Variants in RHCE observed in about 807,000 individuals in gnomAD.
The protein encoded by RHCE is Rh blood group CcEe antigens, also known as blood group Rh(CE) polypeptide.
In RHCE, 22 loss-of-function variants were observed where a neutral mutation model predicts 43.8. The observed-to-expected ratio is 0.50, with a 90% CI of 0.36 to 0.72. The LOEUF is 0.72. RHCE is among the 30% of genes least tolerant of loss of function. RHCE has a pLI of 0.00. For synonymous variants in RHCE, 156 were observed against 210.7 expected (o/e 0.74, Z 2.25); for missense variants, 385 against 525.4 (o/e 0.73, Z 2.61).
chr1:25,400,345 C>T (rs582717), intron 3 of RHCE, among the ~76,000 whole-genome samples: 76,833 of 151,764 alleles, frequency 0.51, 19,798 homozygotes, highest in Non-Finnish European at 0.54. Flanking sequence ...TCCCAGCCCT[C>T]ATCCGACTTG....
intron 2 of RHCE, among the ~76,000 whole-genome samples, chr1:25,427,971 T>C (rs754589158): frequency 2.6e-5 from 4 of 152,178 alleles, no homozygotes; most frequent in Non-Finnish European, 4.4e-5. Flanking sequence ...GACCTTCAGA[T>C]TGTTTGTCAG....
At chr1:25,381,655 A>C (rs986827481) in intron 7 of RHCE, among the ~76,000 whole-genome samples, 1 of 151,844 alleles carries the variant, frequency 6.6e-6, no homozygotes, top group Non-Finnish European at 1.5e-5. Flanking sequence ...ACAGCGTTTC[A>C]CCATGTTAGC....
At chr1:25,411,503 A>G in intron 1 of RHCE, 1 of 1,523,914 alleles carries the variant, frequency 6.6e-7, no homozygotes, top group Non-Finnish European at 8.8e-7. Flanking sequence ...AAGGGAGGAC[A>G]CTGACATTTC....
chr1:25,385,831 C>G lies in RHCE; in HGVS notation c.953G>C (p.Arg318Pro), dbSNP rs1444979924. The stretch of plus-strand genomic sequence containing the variant: ...GGAGATGTGGTGAATCCCCAGCACT[C>G]GGTTACAACACACCTGTGGACAAGT... ...GAKCLPVCCNRVLGIHHISVM... is the reference protein window; with the variant it reads ...GAKCLPVCCNPVLGIHHISVM... Residue 318 changes from arginine to proline, a missense_variant, in exon 7 of 10, where the codon CGA becomes CCA. Transcript: ENST00000294413. 6.2e-7 allele frequency: 1 copy of G among 1,614,020 alleles called. No individual in the cohort carries two copies. The highest frequency in any genetic ancestry group is 1.7e-5 in the Admixed American group (1 of 59,996).
rs1299760357 is a variant in RHCE at position 25,408,769 on chromosome 1, C to A, written c.249G>T (p.Met83Ile). The change falls in exon 2 of 10, where the codon ATG (methionine) becomes ATT (isoleucine). Residue 83 changes from methionine to isoleucine, a missense_variant. By Grantham distance (10) the Met-to-Ile change is conservative. Around this residue, in one of 6 missense-constraint regions of RHCE, gnomAD observed 110 missense variants for 192.1 expected, o/e 0.57. Coordinates refer to ENST00000294413, the MANE Select transcript of RHCE (RefSeq NM_020485.8). ...SWSSVAFNLF[M>I]LALGVQWAIL... ...TTGCCCACTGCACACCAAGCGCCAG[C>A]ATGAAGAGGTTGAAGGCCACACTGC... 3.1e-6 allele frequency: 4 copies of A among 1,282,512 alleles called. 1 individual carries two copies. The African/African-American group carries it at 5.5e-5, about 18-fold the overall frequency. The allele number at this position is 1,282,512 out of a possible 1,614,324, so 79.4% of individuals were successfully genotyped here.
At chr1:25,392,802 C>CTCAAGAGATCCTTCCCTCCCA (rs1298090972) in intron 3 of RHCE, among the ~76,000 whole-genome samples, 25 of 151,086 alleles carry the variant, frequency 1.7e-4, no homozygotes, top group Non-Finnish European at 3.0e-4. Flanking sequence ...AACTCCTGGG[C>CTCAAGAGATCCTTCCCTCCCA]TCAAGAGATC....
intron 2 of RHCE, among the ~76,000 whole-genome samples, chr1:25,404,659 C>T (rs953844970): frequency 1.2e-4 from 18 of 150,716 alleles, no homozygotes; most frequent in African/African-American, 4.4e-4. Context: ...GGAGCGTGCT[C>T]TCAGGTCTAG....
rs374070081 is a variant in RHCE at position 25,419,006 on chromosome 1, A to G, written c.148+1633T>C. The stretch of plus-strand genomic sequence containing the variant: ...CCACTGTAAAATGGGGCCATGATGC[A>G]TAATGGTTAAGTGTAAGGAAACTAA... On this transcript the variant is annotated intron_variant, in intron 1 of 9. Coordinates refer to ENST00000294413, the MANE Select transcript of RHCE (RefSeq NM_020485.8). Among the ~76,000 whole-genome samples the G allele has an allele frequency of 2.6e-5, 4 of 152,240 alleles. No individual in the cohort carries two copies. In the East Asian group the frequency reaches 5.8e-4, roughly 22 times the overall value.
chr1:25,385,310 A>C (rs1646118712), intron 7 of RHCE, among the ~76,000 whole-genome samples: 1 of 152,138 alleles, frequency 6.6e-6, no homozygotes, highest in African/African-American at 2.4e-5. Flanking sequence ...CTCCATTTAC[A>C]AGGGGGCGAC....
chr1:25,393,436 C>T (rs1646441695), intron 3 of RHCE, among the ~76,000 whole-genome samples: 1 of 152,092 alleles, frequency 6.6e-6, no homozygotes, highest in South Asian at 2.1e-4. Flanking sequence ...GCCTGGCCAA[C>T]ATGGCAAAAC....
chr1:25,393,002 A>C (rs1311862255), intron 3 of RHCE, among the ~76,000 whole-genome samples: 1 of 152,202 alleles, frequency 6.6e-6, no homozygotes, highest in Non-Finnish European at 1.5e-5. Flanking sequence ...ATTTTGCAAC[A>C]TGAAGCAACC....
At chr1:25,392,938 T>C (rs1215853540) in intron 3 of RHCE, among the ~76,000 whole-genome samples, 3 of 152,166 alleles carry the variant, frequency 2.0e-5, no homozygotes, top group Admixed American at 6.6e-5. Context: ...CGCACTTCAC[T>C]GATTCCTACT....
At chr1:25,399,033 T>C in intron 3 of RHCE, 2 of 1,580,128 alleles carry the variant, frequency 1.3e-6, no homozygotes, top group Non-Finnish European at 1.7e-6. Context: ...TCATGGTCAC[T>C]GGGGCCTTGG....
intron 3 of RHCE, among the ~76,000 whole-genome samples, chr1:25,400,655 A>G (rs1646708956): frequency 1.3e-5 from 2 of 151,486 alleles, no homozygotes; most frequent in Admixed American, 1.3e-4. Flanking sequence ...TAAGCTTCAG[A>G]CTTGTACATC....
At chr1:25,404,126 C>T (rs1646841422) in intron 2 of RHCE, among the ~76,000 whole-genome samples, 1 of 148,712 alleles carries the variant, frequency 6.7e-6, no homozygotes, top group South Asian at 2.1e-4. Flanking sequence ...CGAGATTGCA[C>T]CACTGCACTC....
chr1:25,380,627 G>A lies in RHCE; in HGVS notation c.1073+5084C>T, dbSNP rs1304768869. ...TTAGTGCCATGTGTATGCTGCCAAG[G>A]TTTATGACTTTTACCTTCCACATCA... is the stretch of plus-strand genomic sequence containing the variant. On this transcript the variant is annotated intron_variant, in intron 7 of 9. Coordinates refer to ENST00000294413, the MANE Select transcript of RHCE (RefSeq NM_020485.8). 2.6e-5 allele frequency among the ~76,000 whole-genome samples: 4 copies of A among 152,310 alleles called. No individual in the cohort carries two copies. The East Asian group carries it at 7.7e-4, about 29-fold the overall frequency.
intron 1 of RHCE, among the ~76,000 whole-genome samples, chr1:25,419,543 T>G (rs2042707214): frequency 6.6e-6 from 1 of 152,138 alleles, no homozygotes; most frequent in Non-Finnish European, 1.5e-5. Flanking sequence ...AAGCTTCAAC[T>G]TTGTCTCAGG....
intron 9 of RHCE, among the ~76,000 whole-genome samples, chr1:25,368,438 C>T (rs1204187437): frequency 9.7e-6 from 1 of 103,400 alleles, no homozygotes; most frequent in Non-Finnish European, 1.9e-5. Context: ...CGTTTGTGTC[C>T]GGCAGATAGC....
At chr1:25,411,265 A>G (rs1557639198) in intron 1 of RHCE, 1 of 1,535,996 alleles carries the variant, frequency 6.5e-7, no homozygotes, top group South Asian at 1.2e-5. Context: ...TACAGTGCCT[A>G]GCACATGGAG....
Sources: gnomAD v4.1 joint callset for allele counts (sites outside exome capture counted in the v4.1 genomes callset) on GRCh38, gnomAD v4.1.1 for gene constraint, gnomAD v4.1.1 regional missense constraint, MANE v1.5 for transcripts, NCBI Gene and HGNC (gene_info 2026-07-23, HGNC 2026-07-21) for gene names.